Variants in CDH18 observed in about 807,000 individuals in gnomAD.
CDH18 encodes cadherin 18, also known as cadherin-18.
CDH18 carries 31 observed loss-of-function variants against 67.9 expected under a neutral mutation model. The observed-to-expected ratio is 0.46, with a 90% CI of 0.34 to 0.62. The LOEUF is 0.62. Ranked by LOEUF, CDH18 falls within the 20% of genes least tolerant of loss-of-function variation. CDH18 has a pLI of 0.01. For synonymous variants in CDH18, 362 were observed against 347.2 expected (o/e 1.04, Z -0.48); for missense variants, 890 against 975.5 (o/e 0.91, Z 1.17).
intron 2 of CDH18, among the ~76,000 whole-genome samples, chr5:19,916,377 C>G (rs534305886): frequency 3.9e-5 from 6 of 152,158 alleles, no homozygotes; most frequent in African/African-American, 1.2e-4. Context: ...GCCCTCTTCT[C>G]ATCCCAGTTC....
At chr5:20,049,021 A>G (rs1198454302) in intron 2 of CDH18, among the ~76,000 whole-genome samples, 1 of 151,774 alleles carries the variant, frequency 6.6e-6, no homozygotes, top group Non-Finnish European at 1.5e-5. Flanking sequence ...ACAAAGTATG[A>G]AGCACTCAAA....
At chr5:20,521,698 C>T (rs1755753116) in intron 1 of CDH18, among the ~76,000 whole-genome samples, 1 of 151,908 alleles carries the variant, frequency 6.6e-6, no homozygotes, top group Admixed American at 6.6e-5. Context: ...ATTACAATAA[C>T]TCAGCAGGGA....
At chr5:20,024,029 G>T (rs757185139) in intron 2 of CDH18, among the ~76,000 whole-genome samples, 41 of 152,314 alleles carry the variant, frequency 2.7e-4, no homozygotes, top group Non-Finnish European at 4.3e-4. Context: ...AGTACAAGGA[G>T]TAGAGCTAAT....
chr5:19,900,814 T>G (rs1313013057), intron 2 of CDH18, among the ~76,000 whole-genome samples: 2 of 152,190 alleles, frequency 1.3e-5, no homozygotes, highest in Non-Finnish European at 2.9e-5. Flanking sequence ...GCACTAAGAT[T>G]TTATAAGCTA....
intron 3 of CDH18, among the ~76,000 whole-genome samples, chr5:19,796,476 C>A (rs1581389900): frequency 6.6e-6 from 1 of 151,970 alleles, no homozygotes; most frequent in African/African-American, 2.4e-5. Context: ...CTGCATGTGG[C>A]AGAAATGCTC....
At chr5:20,290,230 A>G (rs1298779826) in intron 1 of CDH18, among the ~76,000 whole-genome samples, 1 of 152,102 alleles carries the variant, frequency 6.6e-6, no homozygotes, top group Non-Finnish European at 1.5e-5. Context: ...TCTCAATTTA[A>G]GTGTTTTAGC....
chr5:20,249,207 AT>A (rs567586390), intron 2 of CDH18, among the ~76,000 whole-genome samples: 5 of 151,982 alleles, frequency 3.3e-5, no homozygotes, highest in African/African-American at 7.2e-5. Flanking sequence ...TCATTATGTG[AT>A]TTTTTTAAAT....
intron 1 of CDH18, among the ~76,000 whole-genome samples, chr5:20,421,996 T>G (rs2048204): frequency 0.77 from 115,522 of 150,364 alleles, 45,086 homozygotes; most frequent in Admixed American, 0.86. Flanking sequence ...TCTGGCTCTT[T>G]TTCGTGGACA....
rs1745074789 is a variant in CDH18, at chr5:19,591,194, C to T, written c.862G>A (p.Gly288Arg). ...PESAQVGSAVGKIKANDADTG... is the reference protein window; with the variant it reads ...PESAQVGSAVRKIKANDADTG... ...TCAGCATCATTTGCCTTGATTTTCCCAACAGCTGAACCAACTTGAGCTGAC... is the reference window on the plus strand; with the variant it reads ...TCAGCATCATTTGCCTTGATTTTCCTAACAGCTGAACCAACTTGAGCTGAC... Residue 288 changes from glycine (G) to arginine (R), a missense_variant, in exon 7 of 13, where the codon GGG becomes AGG. Physicochemically the swap from Gly to Arg is moderately radical, Grantham distance 125. Transcript: ENST00000382275. 1 of 1,612,228 alleles carries T rather than the reference C, an allele frequency of 6.2e-7. No individual in the cohort carries two copies. Among genetic ancestry groups the T allele is most frequent in the Non-Finnish European group, 8.5e-7 (1 of 1,179,012 alleles).
chr5:19,869,492 G>A (rs993897607), intron 2 of CDH18, among the ~76,000 whole-genome samples: 1 of 151,948 alleles, frequency 6.6e-6, no homozygotes, highest in Admixed American at 6.6e-5. Flanking sequence ...TATATACAAT[G>A]AGTTGGTTTT....
intron 6 of CDH18, among the ~76,000 whole-genome samples, chr5:19,593,622 C>T (rs370727985): frequency 1.8e-4 from 25 of 136,878 alleles, no homozygotes; most frequent in Middle Eastern, 3.5e-3. Context: ...CCCTCCCGTT[C>T]TTCCTCCTCC....
intron 2 of CDH18, among the ~76,000 whole-genome samples, chr5:19,894,403 AAT>A (rs1789085156): frequency 6.6e-6 from 1 of 152,094 alleles, no homozygotes; most frequent in Non-Finnish European, 1.5e-5. Flanking sequence ...ATACATACTT[AAT>A]ATGAGAAATA....
rs1250102214 is a variant in CDH18, at chr5:20,466,826, C to T, written c.-580+108636G>A. 2.8e-4 allele frequency among the ~76,000 whole-genome samples: 43 copies of T among 152,188 alleles called. 1 individual carries two copies. The highest frequency in any genetic ancestry group is 2.8e-3 in the Admixed American group (43 of 15,276). Reference sequence around the variant, plus strand: ...CCACATAGACAGATCATAAACAAGGCTTATCATTCTAGCAAACTTAAGATC... The same window carrying T: ...CCACATAGACAGATCATAAACAAGGTTTATCATTCTAGCAAACTTAAGATC... On this transcript the variant is annotated intron_variant, in intron 1 of 14. Transcript: ENST00000507958.
intron 2 of CDH18, among the ~76,000 whole-genome samples, chr5:19,873,024 T>G (rs1306744977): frequency 6.6e-6 from 1 of 152,120 alleles, no homozygotes; most frequent in Non-Finnish European, 1.5e-5. Context: ...TGAAGGGGAA[T>G]CTGGTCTGGG....
At chr5:19,901,890 AAAT>A (rs565714089) in intron 2 of CDH18, among the ~76,000 whole-genome samples, 159 of 152,036 alleles carry the variant, frequency 1.0e-3, no homozygotes, top group African/African-American at 3.6e-3. Flanking sequence ...ATAACTAAAT[AAAT>A]AATAATAGAA....
At chr5:20,077,784 A>G (rs555547771) in intron 2 of CDH18, among the ~76,000 whole-genome samples, 2 of 152,162 alleles carry the variant, frequency 1.3e-5, no homozygotes, top group Non-Finnish European at 1.5e-5. Context: ...CACACTTACC[A>G]TGATTTTAGT....
chr5:19,624,672 T>C (rs1162402137), intron 5 of CDH18, among the ~76,000 whole-genome samples: 1 of 152,150 alleles, frequency 6.6e-6, no homozygotes, highest in Non-Finnish European at 1.5e-5. Context: ...CTGAAGGAGC[T>C]GACAGCTGGA....
At chr5:20,109,474 C>G (rs1047126881) in intron 2 of CDH18, among the ~76,000 whole-genome samples, 1 of 152,134 alleles carries the variant, frequency 6.6e-6, no homozygotes, top group South Asian at 2.1e-4. Context: ...CAGACTTATA[C>G]GGCAACACTC....
At position 20,449,988 on chromosome 5, in the gene CDH18, ATT is replaced by A. The variant is rs10713198; in HGVS notation, c.-580+125472_-580+125473del. Among the ~76,000 whole-genome samples the A allele has an allele frequency of 9.8e-3, 1,465 of 149,850 alleles. 19 individuals are homozygous for A. The highest frequency in any genetic ancestry group is 0.032 in the African/African-American group (1,318 of 41,032). The stretch of plus-strand genomic sequence containing the variant: ...GAAAATCAACACAGTATGCATAAGA[ATT>A]TTTTTTTTTTAATTTGCTGAAATAT... On this transcript the variant is annotated intron_variant, in intron 1 of 14. Coordinates refer to the CDH18 transcript ENST00000507958.
Sources: gnomAD v4.1 joint callset for allele counts (sites outside exome capture counted in the v4.1 genomes callset) on GRCh38, gnomAD v4.1.1 for gene constraint, MANE v1.5 for transcripts, NCBI Gene and HGNC (gene_info 2026-07-23, HGNC 2026-07-21) for gene names.